LIN9: variants seen among roughly 807,000 people sequenced by gnomAD.
The protein encoded by LIN9 is lin-9 DREAM MuvB core complex component.
In LIN9, 18 loss-of-function variants were observed where a neutral mutation model predicts 78.0. The observed-to-expected ratio is 0.23, with a 90% confidence interval of 0.16 to 0.34. The LOEUF (loss-of-function observed/expected upper bound fraction) is 0.34. Ranked by LOEUF, LIN9 falls within the 10% of genes least tolerant of loss-of-function variation. The pLI is 1.00. For synonymous variants in LIN9, 192 were observed against 215.2 expected, an observed-to-expected ratio of 0.89 and a Z score of 0.94; for missense variants, 451 against 644.1, an observed-to-expected ratio of 0.70 and a Z score of 3.25.
Position 226,237,359 on chromosome 1 carries a change from G to A in LIN9, c.1245+1612C>T, listed in dbSNP as rs117242631. On this transcript the variant is annotated intron_variant, in intron 12 of 14. Coordinates refer to ENST00000681046, the MANE Select transcript of LIN9 (RefSeq NM_001366245.2). Reference sequence around the variant, plus strand: ...GTTTAAAAATCTGATATTGCTGGGCGCGGTGACTCATGCCTGTAATCCCAG... The same window carrying A: ...GTTTAAAAATCTGATATTGCTGGGCACGGTGACTCATGCCTGTAATCCCAG... Among the ~76,000 whole-genome samples, 267 of 152,306 alleles carry A rather than the reference G, an allele frequency of 1.8e-3. 6 individuals are homozygous for A. The East Asian group carries it at 0.035, about 20-fold the overall frequency.
At chr1:226,240,601 C>G (rs1223135864) in intron 11 of LIN9, among the ~76,000 whole-genome samples, 1 of 152,046 alleles carries the variant, frequency 6.6e-6, no homozygotes, top group African/African-American at 2.4e-5. Flanking sequence ...GTTGGCCAGG[C>G]TGGTCTCGAA....
chr1:226,309,557 G>C, upstream of LIN9: 1 of 1,179,344 alleles, frequency 8.5e-7, no homozygotes, highest in East Asian at 7.4e-5. Flanking sequence ...AGGCCCCGGC[G>C]GGGGGAAAGA....
chr1:226,309,343 T>A, upstream of LIN9: 1 of 990,440 alleles, frequency 1.0e-6, no homozygotes, highest in Non-Finnish European at 1.2e-6. Flanking sequence ...GGGCCGCGCC[T>A]CGCCCCTCCG....
intron 12 of LIN9, among the ~76,000 whole-genome samples, chr1:226,235,231 A>G: frequency 6.6e-6 from 1 of 150,802 alleles, no homozygotes; most frequent in Non-Finnish European, 1.5e-5. Context: ...CTGAGGCAGG[A>G]GAATCGCTTG....
intron 10 of LIN9, among the ~76,000 whole-genome samples, chr1:226,261,784 T>C (rs186819815): frequency 5.9e-5 from 9 of 152,298 alleles, no homozygotes; most frequent in African/African-American, 1.9e-4. Context: ...AAAGTCTATA[T>C]TGAAAGGCAA....
intron 6 of LIN9, among the ~76,000 whole-genome samples, chr1:226,283,713 C>A (rs1369210383): frequency 1.3e-5 from 2 of 152,036 alleles, no homozygotes; most frequent in Non-Finnish European, 2.9e-5. Flanking sequence ...TCTGGGAGGC[C>A]GGGGCAGGCG....
chr1:226,263,499 CAT>C (rs910938510), intron 10 of LIN9, among the ~76,000 whole-genome samples: 5 of 152,118 alleles, frequency 3.3e-5, no homozygotes, highest in African/African-American at 7.2e-5. Context: ...AAAAATATCA[CAT>C]AGTGATATTT....
chr1:226,259,304 A>C (rs991193496), intron 10 of LIN9, among the ~76,000 whole-genome samples: 3 of 152,156 alleles, frequency 2.0e-5, no homozygotes, highest in African/African-American at 7.2e-5. Context: ...ACATCAAAAC[A>C]TGAGGCAAAA....
At chr1:226,248,525 T>G (rs949366721) in intron 11 of LIN9, among the ~76,000 whole-genome samples, 3 of 152,186 alleles carry the variant, frequency 2.0e-5, no homozygotes, top group African/African-American at 7.2e-5. Flanking sequence ...TTTCTAAAAT[T>G]TATCCTACAG....
intron 5 of LIN9, among the ~76,000 whole-genome samples, chr1:226,287,283 A>G (rs1258532339): frequency 6.6e-6 from 1 of 152,204 alleles, no homozygotes; most frequent in Non-Finnish European, 1.5e-5. Context: ...CCTCTTAAAA[A>G]TCTTAAGCCA....
rs146361602 is a variant in LIN9 at position 226,281,632 on chromosome 1, T to A, written c.525-3700A>T. On this transcript the variant is annotated intron_variant, in intron 6 of 14. Coordinates refer to ENST00000681046, the MANE Select transcript of LIN9 (RefSeq NM_001366245.2). Reference sequence around the variant, plus strand: ...AATTTAAAAAATATACCAAAAAAAGTCTTCTTGACATAAGAACCCAGGACC... The same window carrying A: ...AATTTAAAAAATATACCAAAAAAAGACTTCTTGACATAAGAACCCAGGACC... Among the ~76,000 whole-genome samples the A allele has an allele frequency of 1.6e-4, 24 of 152,122 alleles. No individual in the cohort carries two copies. The East Asian group carries it at 4.4e-3, about 28-fold the overall frequency.
intron 11 of LIN9, among the ~76,000 whole-genome samples, chr1:226,249,044 A>G (rs1043358276): frequency 2.6e-5 from 4 of 152,256 alleles, no homozygotes; most frequent in African/African-American, 7.2e-5. Flanking sequence ...TTGAAAGCAG[A>G]TAAGATTAAC....
At chr1:226,240,058 T>C (rs1347948244) in intron 11 of LIN9, among the ~76,000 whole-genome samples, 1 of 152,192 alleles carries the variant, frequency 6.6e-6, no homozygotes, top group Non-Finnish European at 1.5e-5. Context: ...CACAGAATTA[T>C]AGACTGAGCT....
intron 10 of LIN9, among the ~76,000 whole-genome samples, chr1:226,251,670 C>T (rs1658846069): frequency 6.6e-6 from 1 of 152,176 alleles, no homozygotes; most frequent in Non-Finnish European, 1.5e-5. Flanking sequence ...CGTCATAGCA[C>T]TGTATTTTAT....
At chr1:226,239,405 T>C (rs962794278) in intron 11 of LIN9, among the ~76,000 whole-genome samples, 1 of 152,206 alleles carries the variant, frequency 6.6e-6, no homozygotes, top group African/African-American at 2.4e-5. Flanking sequence ...GTCTTTCAAC[T>C]TTTTCATAGG....
At chr1:226,240,485 C>A (rs1034923555) in intron 11 of LIN9, among the ~76,000 whole-genome samples, 9 of 151,506 alleles carry the variant, frequency 5.9e-5, no homozygotes, top group African/African-American at 2.2e-4. Context: ...GCCTCCTAAG[C>A]TCAAGCAATC....
intron 10 of LIN9, among the ~76,000 whole-genome samples, chr1:226,263,606 T>C (rs183492660): frequency 2.8e-4 from 42 of 152,314 alleles, no homozygotes; most frequent in East Asian, 1.5e-3. Context: ...AAATATAACA[T>C]ATTAGCTTTG....
intron 10 of LIN9, among the ~76,000 whole-genome samples, chr1:226,258,426 A>G (rs1041583637): frequency 6.6e-6 from 1 of 151,098 alleles, no homozygotes; most frequent in African/African-American, 2.4e-5. Context: ...ATTTGAACCC[A>G]GGAGGCAGAG....
chr1:226,264,786 T>A (rs916815694), intron 10 of LIN9, among the ~76,000 whole-genome samples: 1 of 151,240 alleles, frequency 6.6e-6, no homozygotes, highest in African/African-American at 2.4e-5. Context: ...GAGGTAGAGG[T>A]TGCAGTGAGC....
Sources: allele counts gnomAD v4.1 joint callset (sites outside exome capture counted in the v4.1 genomes callset), GRCh38; gene constraint gnomAD v4.1.1; transcripts MANE v1.5; gene names NCBI Gene and HGNC (gene_info 2026-07-23, HGNC 2026-07-21).